The following TXNL4A variants were observed in gnomAD, a reference collection of about 807,000 sequenced individuals.
TXNL4A encodes thioredoxin-like protein 4A.
TXNL4A carries 17 observed loss-of-function variants against 14.6 expected under a neutral mutation model. The ratio of observed to expected loss-of-function variants is 1.16; its 90% CI spans 0.80 to 1.74. The LOEUF is 1.74. Ranked by LOEUF, TXNL4A falls within the 40% of genes most tolerant of loss-of-function variation. The probability of loss-of-function intolerance (pLI) is 0.00; values close to 1 mark genes in which losing one functional copy is unlikely to be tolerated. For synonymous variants in TXNL4A, 83 were observed against 70.6 expected, an observed-to-expected ratio of 1.18 and a Z score of -0.88; for missense variants, 74 against 195.2, an observed-to-expected ratio of 0.38 and a Z score of 3.70.
intron 1 of TXNL4A, among the ~76,000 whole-genome samples, chr18:80,008,561 A>T (rs1041644957): frequency 6.6e-6 from 1 of 151,998 alleles, no homozygotes; most frequent in Admixed American, 6.6e-5. Flanking sequence ...AATATTCATG[A>T]CATTCCCTTC....
intron 1 of TXNL4A, among the ~76,000 whole-genome samples, chr18:80,001,333 C>G (rs988776708): frequency 6.6e-6 from 1 of 152,162 alleles, no homozygotes; most frequent in Non-Finnish European, 1.5e-5. Flanking sequence ...GGGCTGGGGC[C>G]CTCATGGAGA....
At chr18:80,006,152 A>G (rs943197681) in intron 1 of TXNL4A, among the ~76,000 whole-genome samples, 31 of 151,704 alleles carry the variant, frequency 2.0e-4, no homozygotes, top group African/African-American at 6.5e-4. Flanking sequence ...TTGGGAGGCT[A>G]AGGCGGGCGG....
At chr18:79,996,121 A>C (rs938201375) in intron 1 of TXNL4A, among the ~76,000 whole-genome samples, 3 of 150,900 alleles carry the variant, frequency 2.0e-5, no homozygotes, top group Non-Finnish European at 4.4e-5. Flanking sequence ...AAAAAAAAAA[A>C]AAAAAACGGC....
At chr18:79,994,421 C>T (rs946981638) in intron 1 of TXNL4A, among the ~76,000 whole-genome samples, 2 of 152,100 alleles carry the variant, frequency 1.3e-5, no homozygotes, top group African/African-American at 2.4e-5. Flanking sequence ...AATCATTTAT[C>T]TCTCTTAAAG....
At chr18:79,974,990 C>T (rs2051357201) in intron 2 of TXNL4A, among the ~76,000 whole-genome samples, 1 of 152,142 alleles carries the variant, frequency 6.6e-6, no homozygotes, top group African/African-American at 2.4e-5. Flanking sequence ...TCAGGAGAGG[C>T]AAATCTGATC....
chr18:79,995,965 A>C (rs537086637), intron 1 of TXNL4A, among the ~76,000 whole-genome samples: 1 of 151,830 alleles, frequency 6.6e-6, no homozygotes, highest in Non-Finnish European at 1.5e-5. Context: ...TTAGCCGGGC[A>C]TGGTGGCGGG....
rs548624447 is a variant in TXNL4A, at chr18:79,984,572, C to CA, written c.153+3667dup. ...CAAGAAGACTCTTGTCTCAAACAAA[C>CA]AAAAAAAATGTACTATCATGAGTCA... On this transcript the variant is annotated intron_variant, in intron 1 of 2. Coordinates refer to ENST00000269601, the MANE Select transcript of TXNL4A (RefSeq NM_006701.5). 5.3e-5 allele frequency among the ~76,000 whole-genome samples: 8 copies of CA among 151,818 alleles called. No homozygotes were observed. The South Asian group carries it at 6.2e-4, about 12-fold the overall frequency.
chr18:79,986,382 T>G (rs562408984), intron 1 of TXNL4A, among the ~76,000 whole-genome samples: 1 of 152,248 alleles, frequency 6.6e-6, no homozygotes, highest in Non-Finnish European at 1.5e-5. Context: ...CATTAAAAGT[T>G]TATTAATAAA....
chr18:79,995,400 G>A (rs539736122), intron 1 of TXNL4A: 95 of 152,334 alleles, frequency 6.2e-4, no homozygotes, highest in African/African-American at 2.0e-3. Context: ...TCAGTGTCCC[G>A]GAGGGTCGTG....
At position 79,982,643 on chromosome 18, in the gene TXNL4A, C is replaced by T. The variant is rs2051481855; in HGVS notation, c.154-4942G>A. On this transcript the variant is annotated intron_variant, in intron 1 of 2. Transcript: ENST00000269601. This position sits in a 1 kb window ranked among gnomAD's most constrained non-coding sequence, Gnocchi z 4.0. ...GTTACCAGAAAGGACGATATGGGAA[C>T]GGGGACACTGCAGGGGCTGAAGGAC... Among the ~76,000 whole-genome samples, 2 of 152,110 alleles carry T rather than the reference C, an allele frequency of 1.3e-5. No homozygotes were observed. The highest frequency in any genetic ancestry group is 2.1e-4 in the South Asian group (1 of 4,818).
intron 1 of TXNL4A, among the ~76,000 whole-genome samples, chr18:80,033,248 C>T (rs2051936711): frequency 6.6e-6 from 1 of 152,106 alleles, no homozygotes; most frequent in Non-Finnish European, 1.5e-5. Context: ...CACATGCACA[C>T]ACACGTACAT....
At chr18:79,988,092 A>C (rs2145088860) in intron 1 of TXNL4A, 148 bp downstream of exon 1, 1 of 1,014,824 alleles carries the variant, frequency 9.9e-7, no homozygotes, top group Non-Finnish European at 1.3e-6. Flanking sequence ...AGAGCGCTCG[A>C]CCGCAGCGAG....
chr18:80,032,547 T>G (rs950628144), intron 1 of TXNL4A, among the ~76,000 whole-genome samples: 3 of 152,160 alleles, frequency 2.0e-5, no homozygotes, highest in African/African-American at 7.2e-5. Flanking sequence ...CTGTTGAAAT[T>G]TCACCATGGT....
At chr18:80,004,658 C>T (rs1480159657) in intron 1 of TXNL4A, among the ~76,000 whole-genome samples, 1 of 152,172 alleles carries the variant, frequency 6.6e-6, no homozygotes, top group African/African-American at 2.4e-5. Context: ...CCTCTGTGTA[C>T]ACATTGAATT....
At chr18:79,998,485 C>A (rs185349897) in intron 1 of TXNL4A, among the ~76,000 whole-genome samples, 86 of 151,334 alleles carry the variant, frequency 5.7e-4, no homozygotes, top group African/African-American at 2.0e-3. Context: ...CTGCCTTTCT[C>A]CCTTTTCACA....
chr18:80,003,422 C>A (rs1370463164), intron 1 of TXNL4A, among the ~76,000 whole-genome samples: 1 of 152,232 alleles, frequency 6.6e-6, no homozygotes, highest in Non-Finnish European at 1.5e-5. Flanking sequence ...GCAGTTTTTG[C>A]ATGACTTAGT....
chr18:80,031,289 T>C (rs8090064), intron 1 of TXNL4A, among the ~76,000 whole-genome samples: 116,400 of 152,128 alleles, frequency 0.77, 45,235 homozygotes, highest in East Asian at 0.91. Flanking sequence ...ACCACATTAT[T>C]GTATTATGAG....
intron 1 of TXNL4A, among the ~76,000 whole-genome samples, chr18:80,028,384 T>C (rs1386897792): frequency 6.6e-6 from 1 of 150,428 alleles, no homozygotes; most frequent in East Asian, 1.9e-4. Flanking sequence ...CAGCCTCTTA[T>C]CAAATTTTGC....
chr18:80,023,054 T>C (rs1000192630), intron 1 of TXNL4A, among the ~76,000 whole-genome samples: 3 of 152,244 alleles, frequency 2.0e-5, no homozygotes, highest in African/African-American at 7.2e-5. Context: ...TCCCCTGCTA[T>C]GGCCCCAGTG....
Sources: gnomAD v4.1 joint callset for allele counts (sites outside exome capture counted in the v4.1 genomes callset) on GRCh38, gnomAD v4.1.1 for gene constraint, Gnocchi (gnomAD v3.1) non-coding constraint, MANE v1.5 for transcripts, NCBI Gene and HGNC (gene_info 2026-07-23, HGNC 2026-07-21) for gene names.